Variants in PACSIN2 observed in about 807,000 individuals in gnomAD.
PACSIN2 encodes the protein protein kinase C and casein kinase substrate in neurons protein 2.
PACSIN2 carries 25 observed loss-of-function variants against 63.8 expected under a neutral mutation model. That is an observed-to-expected ratio of 0.39 (90% CI 0.29 to 0.55). The LOEUF is 0.55. PACSIN2 is among the 20% of genes least tolerant of loss of function. The probability of loss-of-function intolerance (pLI) is 0.62; values close to 1 mark genes in which losing one functional copy is unlikely to be tolerated. For missense variants in PACSIN2, 518 were observed against 646.9 expected (o/e 0.80, Z 2.16); for synonymous variants, 255 against 256.2 (o/e 1.00, Z 0.05).
At chr22:42,981,234 A>G (rs1922088066) in intron 1 of PACSIN2, among the ~76,000 whole-genome samples, 1 of 104,082 alleles carries the variant, frequency 9.6e-6, no homozygotes, top group African/African-American at 4.2e-5. Flanking sequence ...GAAGTGAGGA[A>G]ACCCTCTGCC....
chr22:43,012,119 G>A (rs1019448298), intron 1 of PACSIN2, among the ~76,000 whole-genome samples: 5 of 151,702 alleles, frequency 3.3e-5, no homozygotes, highest in South Asian at 2.1e-4. Flanking sequence ...CCTCCAGCCC[G>A]GGCGACAGAG....
At chr22:42,931,264 AC>A (rs1365893544) in intron 1 of PACSIN2, among the ~76,000 whole-genome samples, 4 of 152,258 alleles carry the variant, frequency 2.6e-5, no homozygotes, top group African/African-American at 9.6e-5. Flanking sequence ...CAGCTGGGTA[AC>A]CAGGGGCACG....
At chr22:42,891,445 G>C (rs370132657) in intron 3 of PACSIN2, among the ~76,000 whole-genome samples, 5 of 151,994 alleles carry the variant, frequency 3.3e-5, no homozygotes, top group African/African-American at 9.7e-5. Context: ...TTATTGTCCC[G>C]GCTGGAGTGC....
chr22:42,932,188 A>G (rs1932792387), intron 1 of PACSIN2, among the ~76,000 whole-genome samples: 1 of 152,052 alleles, frequency 6.6e-6, no homozygotes, highest in Non-Finnish European at 1.5e-5. Context: ...CTGTTTCTTC[A>G]ACATAATAAG....
intron 1 of PACSIN2, among the ~76,000 whole-genome samples, chr22:42,923,328 T>C (rs1365990361): frequency 1.3e-5 from 2 of 152,190 alleles, no homozygotes; most frequent in Non-Finnish European, 2.9e-5. Flanking sequence ...TGGTCTTAAG[T>C]CCCTTGTGCA....
intron 2 of PACSIN2, among the ~76,000 whole-genome samples, chr22:42,897,282 T>A (rs1273851194): frequency 6.6e-6 from 1 of 152,152 alleles, no homozygotes; most frequent in Non-Finnish European, 1.5e-5. Context: ...CGTATAATAA[T>A]GACTAGTTTT....
Position 42,888,738 on chromosome 22 carries a change from G to A in PACSIN2, c.514C>T (p.Arg172Ter). Reference protein sequence around the residue: ...ACKEEKLAISREANSKADPSL... With the variant: ...ACKEEKLAIS Reference sequence around the variant, plus strand: ...GGGTCTGCCTTGCTGTTGGCTTCTCGTGAGATAGCCAGCTTCTCCTCTTTG... The same window carrying A: ...GGGTCTGCCTTGCTGTTGGCTTCTCATGAGATAGCCAGCTTCTCCTCTTTG... The change falls in exon 5 of 11, where the codon CGA becomes TGA. Residue 172 changes from arginine to a stop codon, truncating the protein, a stop_gained. Coordinates refer to ENST00000263246, the MANE Select transcript of PACSIN2 (RefSeq NM_001184970.3). LOFTEE classifies it high-confidence loss of function. 5 of 1,613,872 alleles carry A rather than the reference G, an allele frequency of 3.1e-6. No individual in the cohort carries two copies. Among genetic ancestry groups the A allele is most frequent in the South Asian group, 2.2e-5 (2 of 91,082 alleles).
intron 1 of PACSIN2, among the ~76,000 whole-genome samples, chr22:43,004,504 A>G (rs1376884120): frequency 2.0e-5 from 3 of 152,216 alleles, no homozygotes; most frequent in Non-Finnish European, 4.4e-5. Flanking sequence ...GCTCCAGCCA[A>G]TCAGACAGCT....
At chr22:42,914,689 G>A (rs1253605759) in intron 1 of PACSIN2, among the ~76,000 whole-genome samples, 1 of 152,198 alleles carries the variant, frequency 6.6e-6, no homozygotes. Context: ...GCCCAATCAA[G>A]CCACCAGCTG....
chr22:42,902,126 T>C (rs868077695), intron 2 of PACSIN2, among the ~76,000 whole-genome samples: 1 of 152,240 alleles, frequency 6.6e-6, no homozygotes, highest in African/African-American at 2.4e-5. Flanking sequence ...GCCATGCGAC[T>C]GTCCCTCATG....
At chr22:43,006,979 T>C (rs1242762818) in intron 1 of PACSIN2, among the ~76,000 whole-genome samples, 1 of 152,098 alleles carries the variant, frequency 6.6e-6, no homozygotes, top group African/African-American at 2.4e-5. Context: ...CAGATGGCAA[T>C]CCTTGAGACT....
intron 1 of PACSIN2, among the ~76,000 whole-genome samples, chr22:42,950,803 C>G (rs1389791469): frequency 6.6e-6 from 1 of 152,168 alleles, no homozygotes; most frequent in Non-Finnish European, 1.5e-5. Context: ...GCCTTACTTA[C>G]CGTATGCCAG....
At chr22:42,996,533 A>C (rs1923414489) in intron 1 of PACSIN2, among the ~76,000 whole-genome samples, 1 of 23,924 alleles carries the variant, frequency 4.2e-5, no homozygotes, top group African/African-American at 6.3e-4. Flanking sequence ...CTCTGCCGCA[A>C]AAAAAAAAAA....
chr22:42,973,988 G>A (rs1921507378), intron 1 of PACSIN2, among the ~76,000 whole-genome samples: 1 of 152,166 alleles, frequency 6.6e-6, no homozygotes, highest in Admixed American at 6.5e-5. Context: ...CACAGCCCAC[G>A]AGCTGTGGAA....
At chr22:42,872,364 C>T (rs1184952306) in intron 10 of PACSIN2, among the ~76,000 whole-genome samples, 2 of 152,210 alleles carry the variant, frequency 1.3e-5, no homozygotes, top group African/African-American at 4.8e-5. Flanking sequence ...GCCAGTTGGG[C>T]CTGCTGGCTC....
chr22:42,901,167 C>A (rs1466356942), intron 2 of PACSIN2, among the ~76,000 whole-genome samples: 2 of 152,168 alleles, frequency 1.3e-5, no homozygotes, highest in Non-Finnish European at 2.9e-5. Flanking sequence ...TCCCTCTGCA[C>A]CCTGGAGAGG....
intron 1 of PACSIN2, among the ~76,000 whole-genome samples, chr22:42,967,749 G>A (rs975013070): frequency 5.9e-5 from 9 of 152,124 alleles, no homozygotes; most frequent in African/African-American, 2.2e-4. Flanking sequence ...TTAGCCGGGC[G>A]TGGGGGTGGG....
intron 1 of PACSIN2, among the ~76,000 whole-genome samples, chr22:42,949,208 G>A (rs1209474642): frequency 7.9e-5 from 12 of 152,066 alleles, no homozygotes; most frequent in Non-Finnish European, 1.8e-4. Flanking sequence ...TGGGAATAAA[G>A]GTGGCTGACC....
At position 42,888,681 on chromosome 22, in the gene PACSIN2, G is replaced by A; in HGVS notation, c.571C>T (p.Gln191Ter). 1 of 1,614,158 alleles carries A rather than the reference G, an allele frequency of 6.2e-7. No homozygotes were observed. The highest frequency in any genetic ancestry group is 8.5e-7 in the Non-Finnish European group (1 of 1,180,012). ...TGCTTGCACTTTTCTATTTTGTCTT[G>A]CAATTTCTTGAGCTGTTCAGGGTTG... ...SLNPEQLKKL[Q>*]DKIEKCKQDV... Residue 191 changes from glutamine to a stop codon, truncating the protein, a stop_gained, in exon 5 of 11, where the codon CAA becomes TAA. Coordinates refer to ENST00000263246, the MANE Select transcript of PACSIN2 (RefSeq NM_001184970.3). LOFTEE classifies it high-confidence loss of function.
Sources: allele counts gnomAD v4.1 joint callset (sites outside exome capture counted in the v4.1 genomes callset), GRCh38; gene constraint gnomAD v4.1.1; transcripts MANE v1.5; gene names NCBI Gene and HGNC (gene_info 2026-07-23, HGNC 2026-07-21).